The following KALRN variants were observed in gnomAD, a reference collection of about 807,000 sequenced individuals.
The protein encoded by KALRN is kalirin.
KALRN carries 70 observed loss-of-function variants against 353.7 expected under a neutral mutation model. The observed-to-expected ratio is 0.20, with a 90% CI of 0.16 to 0.24. KALRN has a LOEUF of 0.24. KALRN is among the 10% of genes least tolerant of loss of function. The pLI is 1.00. For synonymous variants in KALRN, 1,391 were observed against 1,434.8 expected, an observed-to-expected ratio of 0.97 and a Z score of 0.69; for missense variants, 2,791 against 3,756.7, an observed-to-expected ratio of 0.74 and a Z score of 6.72.
At chr3:124,500,896 C>G (rs1435765352) in intron 33 of KALRN, among the ~76,000 whole-genome samples, 1 of 152,118 alleles carries the variant, frequency 6.6e-6, no homozygotes, top group Non-Finnish European at 1.5e-5. Context: ...TAGAAGAAAT[C>G]TACAATTATA....
chr3:124,559,747 C>A (rs2071715177), intron 33 of KALRN, among the ~76,000 whole-genome samples: 1 of 152,164 alleles, frequency 6.6e-6, no homozygotes, highest in Non-Finnish European at 1.5e-5. Flanking sequence ...TCTGCCTGAC[C>A]CCTCAAACCA....
chr3:124,640,566 G>A (rs2081931155), intron 37 of KALRN, among the ~76,000 whole-genome samples: 1 of 152,088 alleles, frequency 6.6e-6, no homozygotes, highest in Admixed American at 6.5e-5. Flanking sequence ...TTACAGTCAT[G>A]AGCCACCACG....
intron 5 of KALRN, among the ~76,000 whole-genome samples, chr3:124,275,343 A>G (rs2074593529): frequency 6.6e-6 from 1 of 152,128 alleles, no homozygotes; most frequent in South Asian, 2.1e-4. Context: ...GCCCTTTTAC[A>G]ACTTAACAAT....
At chr3:124,709,110 TCAAAA>T (rs148413708) in intron 57 of KALRN, among the ~76,000 whole-genome samples, 1,884 of 150,394 alleles carry the variant, frequency 0.013, 40 homozygotes, top group African/African-American at 0.044. Flanking sequence ...AAGACAGAAA[TCAAAA>T]CAAAAGTAGA....
intron 1 of KALRN, among the ~76,000 whole-genome samples, chr3:124,194,908 T>A (rs2150343407): frequency 6.6e-6 from 1 of 152,248 alleles, no homozygotes; most frequent in East Asian, 1.9e-4. Context: ...TAAGGACACC[T>A]ATTTGAGGAC....
intron 49 of KALRN, among the ~76,000 whole-genome samples, chr3:124,677,175 C>G (rs962649843): frequency 6.6e-6 from 1 of 152,172 alleles, no homozygotes; most frequent in Non-Finnish European, 1.5e-5. Context: ...ATAGGCCCAC[C>G]TTTGACAAGG....
intron 5 of KALRN, among the ~76,000 whole-genome samples, chr3:124,274,711 T>C (rs2074517600): frequency 6.6e-6 from 1 of 152,204 alleles, no homozygotes; most frequent in Admixed American, 6.5e-5. Flanking sequence ...GATATTTTGG[T>C]GCCTACCTCC....
chr3:124,084,377 A>G (rs1281807167), intron 1 of KALRN, among the ~76,000 whole-genome samples: 4 of 152,160 alleles, frequency 2.6e-5, no homozygotes, highest in East Asian at 1.9e-4. Flanking sequence ...CTTTGCCCCA[A>G]GCTTCAGTAT....
chr3:124,123,880 G>C (rs2149620027), intron 1 of KALRN, among the ~76,000 whole-genome samples: 1 of 152,310 alleles, frequency 6.6e-6, no homozygotes, highest in East Asian at 1.9e-4. Flanking sequence ...CCACTGCTCA[G>C]AAAAAGAGAT....
chr3:124,239,290 T>C (rs952822089), intron 3 of KALRN, among the ~76,000 whole-genome samples: 2 of 152,208 alleles, frequency 1.3e-5, no homozygotes, highest in Admixed American at 1.3e-4. Context: ...TATTGGGAGT[T>C]GACGAAATGC....
chr3:124,041,561 C>CT (rs2039971876), intron 1 of KALRN, among the ~76,000 whole-genome samples: 1 of 152,114 alleles, frequency 6.6e-6, no homozygotes, highest in South Asian at 2.1e-4. Context: ...CAGGGGACCC[C>CT]TTTTTTCTCC....
At position 124,149,629 on chromosome 3, in the gene KALRN, T is replaced by C. The variant is rs138880336; in HGVS notation, c.74-78361T>C. On this transcript the variant is annotated intron_variant, in intron 1 of 59. Transcript: ENST00000682506. The stretch of plus-strand genomic sequence containing the variant: ...TATGGAACTTGCCAGCCATGTCGTT[T>C]TAAAGAGTCTCTTAGTTGTCTGAGT... 7.1e-4 allele frequency among the ~76,000 whole-genome samples: 108 copies of C among 152,304 alleles called. No individual in the cohort carries two copies. The South Asian group carries it at 0.015, about 21-fold the overall frequency.
At position 124,353,858 on chromosome 3, in the gene KALRN, T is replaced by C. The variant is rs16835311; in HGVS notation, c.1770+6593T>C. Among the ~76,000 whole-genome samples the C allele has an allele frequency of 4.2e-3, 645 of 152,270 alleles. 8 individuals are homozygous for C. The highest frequency in any genetic ancestry group is 0.023 in the Admixed American group (359 of 15,298). On this transcript the variant is annotated intron_variant, in intron 10 of 59. Coordinates refer to ENST00000682506, the MANE Select transcript of KALRN (RefSeq NM_001388419.1). ...TGTGAAGCAGCAGAGAAATAAAGGA[T>C]AGTCTTGCCCTTTGGATCTTGCATG...
chr3:124,477,169 G>A, intron 26 of KALRN, 76 bp from the exon 27 acceptor site: 30 of 1,037,324 alleles, frequency 2.9e-5, no homozygotes, highest in Non-Finnish European at 4.5e-6. Context: ...TACAGCCCTT[G>A]CTGGGTCCTT....
rs760776720 is a variant in KALRN at position 124,657,717 on chromosome 3, C to T, written c.5967-17C>T. On this transcript the variant is annotated splice_polypyrimidine_tract_variant and intron_variant, in intron 40 of 59. Coordinates refer to ENST00000682506, the MANE Select transcript of KALRN (RefSeq NM_001388419.1). ...GAATAATGTGGCTTCCTTCTCTTAT[C>T]CCCTTTCTCCTTTTAGTTTTTTCCT... 2 of 1,595,274 alleles carry T rather than the reference C, an allele frequency of 1.3e-6. No homozygotes were observed. Among genetic ancestry groups the T allele is most frequent in the Non-Finnish European group, 1.7e-6 (2 of 1,163,170 alleles).
chr3:124,484,702 A>G (rs1024883073), intron 28 of KALRN, among the ~76,000 whole-genome samples: 6 of 152,254 alleles, frequency 3.9e-5, no homozygotes, highest in Non-Finnish European at 8.8e-5. Context: ...TGGCTATTAG[A>G]AAGTTAGCAT....
At chr3:124,244,666 T>C (rs1467363181) in intron 3 of KALRN, among the ~76,000 whole-genome samples, 1 of 152,208 alleles carries the variant, frequency 6.6e-6, no homozygotes, top group Non-Finnish European at 1.5e-5. Flanking sequence ...ATAGTGTGTC[T>C]TGGGATGCAT....
intron 49 of KALRN, among the ~76,000 whole-genome samples, chr3:124,677,833 C>G (rs2087359556): frequency 6.6e-6 from 1 of 152,230 alleles, no homozygotes; most frequent in African/African-American, 2.4e-5. Flanking sequence ...GCCCCCTTTC[C>G]TCACCCATCC....
chr3:124,140,800 G>C (rs1227562484), intron 1 of KALRN, among the ~76,000 whole-genome samples: 3 of 152,152 alleles, frequency 2.0e-5, no homozygotes, highest in Admixed American at 2.0e-4. Context: ...CTCCCGGGGG[G>C]GGCACAGGGA....
Sources: gnomAD v4.1 joint callset for allele counts (sites outside exome capture counted in the v4.1 genomes callset) on GRCh38, gnomAD v4.1.1 for gene constraint, MANE v1.5 for transcripts, NCBI Gene and HGNC (gene_info 2026-07-23, HGNC 2026-07-21) for gene names.